Variants in VPS45 observed in about 807,000 individuals in gnomAD.
VPS45 encodes vacuolar protein sorting-associated protein 45.
In VPS45, 35 loss-of-function variants were observed where a neutral mutation model predicts 75.9. The ratio of observed to expected loss-of-function variants is 0.46; its 90% CI spans 0.35 to 0.61. The LOEUF (loss-of-function observed/expected upper bound fraction) is 0.61, where lower values mean the gene tolerates loss of function less well. VPS45 is among the 20% of genes least tolerant of loss of function. The probability of loss-of-function intolerance (pLI) is 0.00; values close to 1 mark genes in which losing one functional copy is unlikely to be tolerated. For synonymous variants in VPS45, 220 were observed against 238.2 expected (o/e 0.92, Z 0.70); for missense variants, 559 against 685.9 (o/e 0.81, Z 2.07).
At chr1:150,079,731 G>C (rs1655592735) in intron 7 of VPS45, among the ~76,000 whole-genome samples, 1 of 152,162 alleles carries the variant, frequency 6.6e-6, no homozygotes, top group Non-Finnish European at 1.5e-5. Flanking sequence ...TATTTACAGA[G>C]AAAGGCACAG....
chr1:150,108,826 C>T (rs782229553), intron 13 of VPS45, among the ~76,000 whole-genome samples: 2 of 152,132 alleles, frequency 1.3e-5, no homozygotes, highest in Non-Finnish European at 2.9e-5. Flanking sequence ...AACGCCTCCA[C>T]GGATCTAAGA....
At chr1:150,098,791 C>A in intron 13 of VPS45, 1 of 1,043,664 alleles carries the variant, frequency 9.6e-7, no homozygotes, top group Non-Finnish European at 1.3e-6. Context: ...TTTGATCATT[C>A]TGCAGATGGG....
In VPS45 at chr1:150,082,735, C is replaced by T; in HGVS notation, c.956C>T (p.Pro319Leu). The T allele has an allele frequency of 1.2e-6, 2 of 1,612,712 alleles. No homozygotes were observed. The highest frequency in any genetic ancestry group is 1.7e-6 in the Non-Finnish European group (2 of 1,179,508). ...TGGCAGGCGTTTGTTGAGAATTATC[C>T]ACAGTTCAAGAAAATGTCTGGGACT... ...ADMKAFVENY[P>L]QFKKMSGTVS... The change falls in exon 10 of 15, where the codon CCA (proline) becomes CTA (leucine). Residue 319 changes from proline to leucine, a missense_variant. Coordinates refer to ENST00000644510, the MANE Select transcript of VPS45 (RefSeq NM_007259.5).
At chr1:150,108,449 G>A (rs971382567) in intron 13 of VPS45, among the ~76,000 whole-genome samples, 1 of 152,168 alleles carries the variant, frequency 6.6e-6, no homozygotes, top group African/African-American at 2.4e-5. Flanking sequence ...ATAACCATAA[G>A]TGACAAGTGG....
chr1:150,081,967 G>T lies in VPS45; in HGVS notation c.906G>T (p.Gln302His). Residue 302 changes from glutamine (Q) to histidine (H), a missense_variant, in exon 9 of 15, where the codon CAG becomes CAT. Transcript: ENST00000644510. ...EDFQKKKPKE[Q>H]QKLESIADMK... is the part of the protein sequence containing the mutation. ...TTCAGAAGAAGAAACCAAAAGAACA[G>T]CAAAAACTAGAATCAATAGCAGACA... is the stretch of plus-strand genomic sequence containing the variant. The T allele has an allele frequency of 8.1e-6, 13 of 1,611,646 alleles. No individual in the cohort carries two copies. Among genetic ancestry groups the T allele is most frequent in the Non-Finnish European group, 1.1e-5 (13 of 1,178,596 alleles).
chr1:150,144,759 G>C lies in VPS45; in HGVS notation c.1676G>C (p.Ser559Thr), dbSNP rs782327338. 9.3e-6 allele frequency: 15 copies of C among 1,614,070 alleles called. No homozygotes were observed. The highest frequency in any genetic ancestry group is 1.2e-5 in the Non-Finnish European group (14 of 1,180,046). ...ASGLHSRSKESSQVTSRSASR... is the reference protein window; with the variant it reads ...ASGLHSRSKETSQVTSRSASR... ...GGACTGCACAGCCGAAGCAAGGAGA[G>C]CTCTCAAGTCACATCAAGGTCAGCG... is the stretch of plus-strand genomic sequence containing the variant. The change falls in exon 15 of 15, where the codon AGC (serine) becomes ACC (threonine). Residue 559 changes from serine (S) to threonine (T), a missense_variant. Transcript: ENST00000644510.
intron 6 of VPS45, 140 bp downstream of exon 6, chr1:150,077,371 G>A: frequency 9.0e-7 from 1 of 1,112,360 alleles, no homozygotes; most frequent in East Asian, 2.5e-5. Context: ...GTAGGTATAT[G>A]TAATTTAAAA....
At chr1:150,113,426 C>A (rs2101614709) in intron 14 of VPS45, among the ~76,000 whole-genome samples, 1 of 152,244 alleles carries the variant, frequency 6.6e-6, no homozygotes, top group South Asian at 2.1e-4. Flanking sequence ...GTGAATATAT[C>A]TATGAGATGA....
At chr1:150,089,958 CA>C (rs1176317930) in intron 10 of VPS45, among the ~76,000 whole-genome samples, 8 of 152,184 alleles carry the variant, frequency 5.3e-5, no homozygotes, top group Non-Finnish European at 1.2e-4. Context: ...AAATCTCTTT[CA>C]GAGAACTCTG....
rs587768413 is a variant in VPS45 at position 150,067,999 on chromosome 1, C to G, written c.93+49C>G. On this transcript the variant is annotated intron_variant, in intron 1 of 14. Coordinates refer to ENST00000644510, the MANE Select transcript of VPS45 (RefSeq NM_007259.5). ...TTGTGAAGGAACCCTCTCAACCTTA[C>G]AATTGCTCGTCCCATTCCACTGTAG... 1.2e-5 allele frequency: 18 copies of G among 1,542,810 alleles called. 1 individual carries two copies. The South Asian group carries it at 1.9e-4, about 16-fold the overall frequency.
chr1:150,097,948 GCTTAAGC>G (rs1195532671), intron 13 of VPS45, among the ~76,000 whole-genome samples: 1 of 152,002 alleles, frequency 6.6e-6, no homozygotes, highest in Non-Finnish European at 1.5e-5. Flanking sequence ...CACCTTTTGG[GCTTAAGC>G]CATCCCACCT....
intron 14 of VPS45, among the ~76,000 whole-genome samples, chr1:150,134,713 T>G (rs2101653393): frequency 6.6e-6 from 1 of 152,356 alleles, no homozygotes; most frequent in South Asian, 2.1e-4. Flanking sequence ...TCTGTATTGT[T>G]GCAGGTAACC....
At chr1:150,117,389 A>G (rs1553808592) in intron 14 of VPS45, among the ~76,000 whole-genome samples, 7 of 139,338 alleles carry the variant, frequency 5.0e-5, no homozygotes, top group African/African-American at 1.6e-4. Flanking sequence ...AGGCATGGTG[A>G]CAGGCACCTA....
At chr1:150,076,677 A>G (rs1553798148) in intron 4 of VPS45, 1 of 560,000 alleles carries the variant, frequency 1.8e-6, no homozygotes, top group African/African-American at 1.9e-5. Context: ...CCAGAAATAT[A>G]ATGTGTATAA....
intron 13 of VPS45, among the ~76,000 whole-genome samples, chr1:150,101,400 G>A (rs587708194): frequency 6.6e-6 from 1 of 152,210 alleles, no homozygotes; most frequent in African/African-American, 2.4e-5. Flanking sequence ...AAACTATGGT[G>A]AGATACCATC....
intron 10 of VPS45, 48 bp downstream of exon 10, chr1:150,082,931 G>A: frequency 6.5e-7 from 1 of 1,533,088 alleles, no homozygotes; most frequent in Non-Finnish European, 8.8e-7. Flanking sequence ...CACTGTGCCA[G>A]GCAGAGCAAG....
At chr1:150,110,388 G>A in intron 13 of VPS45, 108 bp from the exon 14 acceptor site, 1 of 1,033,172 alleles carries the variant, frequency 9.7e-7, no homozygotes, top group Non-Finnish European at 1.3e-6. Context: ...CTTTAATTCT[G>A]CTTCCTCCAC....
chr1:150,135,634 T>A (rs1659036454), intron 14 of VPS45, among the ~76,000 whole-genome samples: 1 of 151,878 alleles, frequency 6.6e-6, no homozygotes, highest in African/African-American at 2.4e-5. Context: ...CAATCTGGAC[T>A]ACACCCTTAG....
chr1:150,083,069 G>A, intron 10 of VPS45, 186 bp downstream of exon 10: 1 of 598,336 alleles, frequency 1.7e-6, no homozygotes. Flanking sequence ...AGTGTAATGT[G>A]CAATTCCCAA....
Sources: gnomAD v4.1 joint callset for allele counts (sites outside exome capture counted in the v4.1 genomes callset) on GRCh38, gnomAD v4.1.1 for gene constraint, MANE v1.5 for transcripts, NCBI Gene and HGNC (gene_info 2026-07-23, HGNC 2026-07-21) for gene names.